The following DUSP14 variants were observed in gnomAD, a reference collection of about 807,000 sequenced individuals.
The protein encoded by DUSP14 is dual specificity protein phosphatase 14.
A neutral mutation model predicts 13.2 loss-of-function variants in DUSP14; 5 were observed. That is an observed-to-expected ratio of 0.38 (90% CI 0.20 to 0.80). DUSP14 has a LOEUF of 0.80. Ranked by LOEUF, DUSP14 falls within the 30% of genes least tolerant of loss-of-function variation. DUSP14 has a pLI of 0.44. For missense variants in DUSP14, 185 were observed against 264.0 expected (o/e 0.70, Z 2.07); for synonymous variants, 91 against 103.4 (o/e 0.88, Z 0.73).
Position 37,493,424 on chromosome 17 carries a change from C to A in DUSP14, c.-181+3466C>A, listed in dbSNP as rs141780633. 7.8e-3 allele frequency among the ~76,000 whole-genome samples: 1,190 copies of A among 152,294 alleles called. 54 individuals are homozygous for A. Among genetic ancestry groups the A allele is most frequent in the Admixed American group, 0.069 (1,059 of 15,300 alleles). ...ATACCTGGTTTCCAAAGTGGTTGTA[C>A]CAATTTACATTCCTTCAGTGGTGTC... On this transcript the variant is annotated intron_variant, in intron 1 of 2. Transcript: ENST00000617516.
At chr17:37,504,009 C>A (rs558891543) in intron 1 of DUSP14, among the ~76,000 whole-genome samples, 1 of 152,284 alleles carries the variant, frequency 6.6e-6, no homozygotes, top group South Asian at 2.1e-4. Context: ...GCCTGGCCAA[C>A]ATGGTGAAAC....
intron 1 of DUSP14, among the ~76,000 whole-genome samples, chr17:37,504,039 C>T (rs1478766501): frequency 6.6e-6 from 1 of 152,076 alleles, no homozygotes; most frequent in Non-Finnish European, 1.5e-5. Flanking sequence ...ACTAAAAATA[C>T]AAAAATTAGC....
chr17:37,498,953 T>A (rs1185794588), intron 1 of DUSP14, among the ~76,000 whole-genome samples: 2 of 152,086 alleles, frequency 1.3e-5, no homozygotes, highest in Non-Finnish European at 2.9e-5. Context: ...CTTTGAAGAA[T>A]GCGTCTACTA....
At chr17:37,500,565 G>A (rs779137521) in intron 1 of DUSP14, among the ~76,000 whole-genome samples, 7 of 152,098 alleles carry the variant, frequency 4.6e-5, no homozygotes, top group Non-Finnish European at 8.8e-5. Context: ...ACCTACCTGG[G>A]TTTTATTGCT....
At chr17:37,496,915 CAAAAA>C (rs71135730) in intron 1 of DUSP14, among the ~76,000 whole-genome samples, 3 of 98,628 alleles carry the variant, frequency 3.0e-5, no homozygotes, top group South Asian at 3.3e-4. Flanking sequence ...GACTCTGTCT[CAAAAA>C]AAAAAAAAAA....
chr17:37,489,723 C>G (rs1375837855), upstream of DUSP14: 1 of 151,230 alleles, frequency 6.6e-6, no homozygotes, highest in East Asian at 1.9e-4. Flanking sequence ...CACCGCACGG[C>G]GCAGAAGCCC....
chr17:37,501,109 A>G (rs764527248), intron 1 of DUSP14, among the ~76,000 whole-genome samples: 2 of 152,086 alleles, frequency 1.3e-5, no homozygotes, highest in Non-Finnish European at 2.9e-5. Context: ...CTTAACCTCC[A>G]TTTACCTCTG....
At chr17:37,509,283 A>G (rs1231024702) in intron 1 of DUSP14, among the ~76,000 whole-genome samples, 1,010 of 29,372 alleles carry the variant, frequency 0.034, 36 homozygotes, top group Middle Eastern at 0.11. Context: ...ATATATATAT[A>G]TATATATATA....
intron 1 of DUSP14, among the ~76,000 whole-genome samples, chr17:37,500,936 C>G (rs561610889): frequency 5.9e-5 from 9 of 152,240 alleles, no homozygotes; most frequent in African/African-American, 1.9e-4. Context: ...GTTTCCCGCC[C>G]CCTCCCCGCC....
At chr17:37,489,879 G>A (rs1372217144), upstream of DUSP14, 1 of 147,770 alleles carries the variant, frequency 6.8e-6, no homozygotes, top group Non-Finnish European at 1.5e-5. Context: ...CGGCGCGCGC[G>A]GCGCCCAGCC....
intron 1 of DUSP14, among the ~76,000 whole-genome samples, chr17:37,503,235 G>T (rs929446129): frequency 6.6e-6 from 1 of 152,126 alleles, no homozygotes; most frequent in African/African-American, 2.4e-5. Flanking sequence ...GACCAGCGTG[G>T]GCAACATGGG....
At chr17:37,498,312 A>ATTTTTTTTTTT (rs2054079234) in intron 1 of DUSP14, among the ~76,000 whole-genome samples, 1 of 103,250 alleles carries the variant, frequency 9.7e-6, no homozygotes, top group African/African-American at 3.7e-5. Context: ...ACTAGATTGT[A>ATTTTTTTTTTT]TCTTTTTTTT....
At chr17:37,502,465 T>C (rs2054111631) in intron 1 of DUSP14, among the ~76,000 whole-genome samples, 1 of 151,910 alleles carries the variant, frequency 6.6e-6, no homozygotes, top group Admixed American at 6.6e-5. Flanking sequence ...ATTACAGGCC[T>C]GAGCCACTGC....
intron 1 of DUSP14, among the ~76,000 whole-genome samples, chr17:37,494,633 G>C (rs938443693): frequency 1.3e-5 from 2 of 152,232 alleles, no homozygotes; most frequent in Admixed American, 6.5e-5. Context: ...GAAGGAGCAG[G>C]AGGGAGGGTG....
rs35158443 is a variant in DUSP14, at chr17:37,508,734, A to AATATATATAT, written c.-180-1934_-180-1925dup. Among the ~76,000 whole-genome samples, 38 of 144,164 alleles carry AATATATATAT rather than the reference A, an allele frequency of 2.6e-4. 3 individuals carry two copies. The South Asian group carries it at 8.4e-3, about 32-fold the overall frequency. 94.6% of individuals were successfully genotyped at this position (144,164 alleles called of 152,430 possible). A position where few individuals can be genotyped will look rare whatever the true frequency, so the allele number is the denominator to read the frequency against. On this transcript the variant is annotated intron_variant, in intron 1 of 2. Coordinates refer to ENST00000617516, the MANE Select transcript of DUSP14 (RefSeq NM_007026.4). ...GGGTGACAGAGCCAGACTCCATCTCAATATATATATATATATATGTATGTA... is the reference window on the plus strand; with the variant it reads ...GGGTGACAGAGCCAGACTCCATCTCAATATATATATATATATATATATATATATGTATGTA...
At chr17:37,489,463 C>G (rs1568196951), upstream of DUSP14, among the ~76,000 whole-genome samples, 1 of 152,160 alleles carries the variant, frequency 6.6e-6, no homozygotes, top group Non-Finnish European at 1.5e-5. Flanking sequence ...GGGTCGAGGC[C>G]GTCCCGAGCC....
intron 1 of DUSP14, among the ~76,000 whole-genome samples, chr17:37,493,049 G>T (rs182548002): frequency 4.6e-5 from 7 of 151,920 alleles, no homozygotes; most frequent in Admixed American, 3.9e-4. Context: ...ATATACACAC[G>T]CACATATATA....
In DUSP14 at chr17:37,509,135, A is replaced by ATATATATATATATATATATATG; in HGVS notation, c.-180-1542_-180-1541insTATATATATATATATATATATG. 5.1e-5 allele frequency among the ~76,000 whole-genome samples: 2 copies of ATATATATATATATATATATATG among 38,956 alleles called. 1 individual carries two copies. The highest frequency in any genetic ancestry group is 1.7e-3 in the South Asian group (2 of 1,210). 25.6% of individuals were successfully genotyped at this position (38,956 alleles called of 152,430 possible). ...TATATATATATATATATATACACAC[A>ATATATATATATATATATATATG]CACACACACACACACACACACACAC... On this transcript the variant is annotated intron_variant, in intron 1 of 2. Coordinates refer to ENST00000617516, the MANE Select transcript of DUSP14 (RefSeq NM_007026.4).
intron 1 of DUSP14, among the ~76,000 whole-genome samples, chr17:37,490,351 C>G (rs1403428649): frequency 1.3e-5 from 2 of 152,218 alleles, no homozygotes; most frequent in African/African-American, 2.4e-5. Context: ...CGCTCTGGAG[C>G]GCGCCGCCGC....
Sources: allele counts gnomAD v4.1 joint callset (sites outside exome capture counted in the v4.1 genomes callset), GRCh38; gene constraint gnomAD v4.1.1; transcripts MANE v1.5; gene names NCBI Gene and HGNC (gene_info 2026-07-23, HGNC 2026-07-21).